Variants in FHIT observed in about 807,000 individuals in gnomAD.
FHIT encodes the protein fragile histidine triad diadenosine triphosphatase.
Under a neutral mutation model 17.9 loss-of-function variants are expected in FHIT, and 19 were observed. That is an observed-to-expected ratio of 1.06 (90% CI 0.74 to 1.56). The LOEUF is 1.56. Among genes scored for constraint, FHIT ranks in the 40% most tolerant of loss-of-function variants. FHIT has a pLI of 0.00. For missense variants in FHIT, 248 were observed against 189.2 expected (o/e 1.31, Z -1.82); for synonymous variants, 81 against 69.7 (o/e 1.16, Z -0.81).
At chr3:59,899,397 G>A (rs995870774) in intron 8 of FHIT, among the ~76,000 whole-genome samples, 1 of 152,174 alleles carries the variant, frequency 6.6e-6, no homozygotes, top group Non-Finnish European at 1.5e-5. Context: ...TGTGGCTTTT[G>A]CTAGCACCCA....
intron 7 of FHIT, 49 bp downstream of exon 7, chr3:60,011,322 T>C: frequency 9.5e-6 from 15 of 1,581,284 alleles, no homozygotes; most frequent in Non-Finnish European, 1.2e-5. Context: ...TTTTTATTAG[T>C]TCTCATAATC....
At position 60,387,023 on chromosome 3, in the gene FHIT, C is replaced by CT. The variant is rs71627536; in HGVS notation, c.103+149836dup. On this transcript the variant is annotated intron_variant, in intron 5 of 9. Coordinates refer to ENST00000492590, the MANE Select transcript of FHIT (RefSeq NM_002012.4). ...TTTGCCTAAGGAAATTCTATTTATT[C>CT]TTTTTTTTTTTTGGAGTGCAACAGC... 2.2e-3 allele frequency among the ~76,000 whole-genome samples: 305 copies of CT among 136,394 alleles called. 5 individuals are homozygous for CT. The highest frequency in any genetic ancestry group is 4.0e-3 in the Middle Eastern group (1 of 250). 89.5% of individuals were successfully genotyped at this position (136,394 alleles called of 152,430 possible).
At chr3:61,126,082 C>G (rs2036597527) in intron 2 of FHIT, among the ~76,000 whole-genome samples, 1 of 152,076 alleles carries the variant, frequency 6.6e-6, no homozygotes, top group Admixed American at 6.6e-5. Flanking sequence ...TGGTCCAAAG[C>G]CCCAGCCACT....
intron 3 of FHIT, among the ~76,000 whole-genome samples, chr3:60,960,372 A>G (rs1348788398): frequency 2.6e-5 from 4 of 152,226 alleles, no homozygotes; most frequent in African/African-American, 9.6e-5. Flanking sequence ...TGGGAAAATT[A>G]AAACTACAAT....
chr3:60,826,482 A>T (rs564903021), intron 3 of FHIT, among the ~76,000 whole-genome samples: 2 of 152,076 alleles, frequency 1.3e-5, no homozygotes, highest in Non-Finnish European at 2.9e-5. Flanking sequence ...ACGCACCACT[A>T]CGCCTGGCTA....
intron 5 of FHIT, among the ~76,000 whole-genome samples, chr3:60,400,220 A>C (rs1287255047): frequency 6.6e-6 from 1 of 152,146 alleles, no homozygotes; most frequent in African/African-American, 2.4e-5. Flanking sequence ...AGTTGTCCCT[A>C]GATACTATAG....
intron 4 of FHIT, among the ~76,000 whole-genome samples, chr3:60,598,271 A>G (rs1334894361): frequency 3.3e-5 from 5 of 152,172 alleles, no homozygotes; most frequent in African/African-American, 1.2e-4. Flanking sequence ...ATCCCTCAAA[A>G]TAATTAGCAG....
At chr3:60,536,191 A>T (rs892150958) in intron 5 of FHIT, 1 of 152,176 alleles carries the variant, frequency 6.6e-6, no homozygotes, top group Non-Finnish European at 1.5e-5. Flanking sequence ...CCACTGCAAA[A>T]GAATAAAGCT....
intron 3 of FHIT, among the ~76,000 whole-genome samples, chr3:60,860,151 T>C (rs368589108): frequency 6.6e-5 from 5 of 76,262 alleles, no homozygotes; most frequent in African/African-American, 3.4e-4. Flanking sequence ...ACATATGGTA[T>C]ATATGATATA....
At chr3:60,302,849 T>C (rs553228686) in intron 5 of FHIT, among the ~76,000 whole-genome samples, 1 of 152,160 alleles carries the variant, frequency 6.6e-6, no homozygotes, top group Non-Finnish European at 1.5e-5. Flanking sequence ...TCTAAATTTC[T>C]CATCAAGCAT....
chr3:61,166,492 T>G (rs1378366078), intron 2 of FHIT, among the ~76,000 whole-genome samples: 2 of 152,222 alleles, frequency 1.3e-5, no homozygotes, highest in Non-Finnish European at 2.9e-5. Context: ...TGGTTCTTAT[T>G]GTCTCTACTT....
intron 2 of FHIT, among the ~76,000 whole-genome samples, chr3:61,075,713 T>C (rs2034952725): frequency 6.6e-6 from 1 of 152,026 alleles, no homozygotes; most frequent in African/African-American, 2.4e-5. Flanking sequence ...ATTTTGATAA[T>C]AAATAATAAA....
intron 8 of FHIT, among the ~76,000 whole-genome samples, chr3:59,837,554 A>T (rs111965203): frequency 0.054 from 8,198 of 152,164 alleles, 278 homozygotes; most frequent in Non-Finnish European, 0.076. Context: ...TTTTCATTAG[A>T]TCTTTTATAA....
chr3:59,777,120 A>G (rs1702362212), intron 8 of FHIT, among the ~76,000 whole-genome samples: 2 of 151,984 alleles, frequency 1.3e-5, no homozygotes, highest in Admixed American at 1.3e-4. Flanking sequence ...CTTAGAAAGG[A>G]TTTCCCTTCT....
rs1281845302 is a variant in FHIT, at chr3:59,749,039, G to C, written c.*546C>G. On this transcript the variant is annotated 3_prime_UTR_variant, in exon 10 of 10. Coordinates refer to ENST00000492590, the MANE Select transcript of FHIT (RefSeq NM_002012.4). ...GCTGAGGGAATAATCACGAAAGCTG[G>C]AGAAGGCCAAGTCTATCTGACCTTC... is the stretch of plus-strand genomic sequence containing the variant. Among the ~76,000 whole-genome samples, 1 of 152,138 alleles carries C rather than the reference G, an allele frequency of 6.6e-6. No homozygotes were observed. The highest frequency in any genetic ancestry group is 6.6e-5 in the Admixed American group (1 of 15,258).
At chr3:61,022,278 C>T (rs889089978) in intron 3 of FHIT, among the ~76,000 whole-genome samples, 4 of 152,182 alleles carry the variant, frequency 2.6e-5, no homozygotes. Flanking sequence ...CATACACCCT[C>T]CCAAGACTAA....
At chr3:60,635,604 T>G (rs781798462) in intron 4 of FHIT, among the ~76,000 whole-genome samples, 8 of 152,220 alleles carry the variant, frequency 5.3e-5, no homozygotes, top group Non-Finnish European at 7.3e-5. Context: ...CCTGGTAAGT[T>G]GTAGATACTC....
chr3:60,138,828 G>C (rs2107292085), intron 5 of FHIT, among the ~76,000 whole-genome samples: 1 of 152,208 alleles, frequency 6.6e-6, no homozygotes. Flanking sequence ...GACTCAGGAA[G>C]TCACCAACAG....
intron 7 of FHIT, among the ~76,000 whole-genome samples, chr3:59,937,595 G>C (rs944491543): frequency 2.6e-5 from 4 of 152,170 alleles, no homozygotes; most frequent in African/African-American, 9.7e-5. Context: ...AAGGAGCTAA[G>C]AGTTCCAAAG....
Sources: allele counts gnomAD v4.1 joint callset (sites outside exome capture counted in the v4.1 genomes callset), GRCh38; gene constraint gnomAD v4.1.1; transcripts MANE v1.5; gene names NCBI Gene and HGNC (gene_info 2026-07-23, HGNC 2026-07-21).